Variants in DUOX2 observed in about 807,000 individuals in gnomAD.
The protein encoded by DUOX2 is dual oxidase 2, also known as NADH/NADPH thyroid oxidase p138-tox.
DUOX2 carries 185 observed loss-of-function variants against 183.3 expected under a neutral mutation model. The observed-to-expected ratio is 1.01, with a 90% CI of 0.90 to 1.14. The LOEUF is 1.14. DUOX2 is among the 50% of genes most tolerant of loss of function. The pLI is 0.00. For synonymous variants in DUOX2, 788 were observed against 812.4 expected (o/e 0.97, Z 0.51); for missense variants, 1,999 against 2,022.9 (o/e 0.99, Z 0.23).
In DUOX2 at chr15:45,108,952, TC is replaced by T; in HGVS notation, c.1235-1del. The T allele has an allele frequency of 6.2e-7, 1 of 1,614,200 alleles. No homozygotes were observed. Among genetic ancestry groups the T allele is most frequent in the Non-Finnish European group, 8.5e-7 (1 of 1,180,042 alleles). On this transcript the variant is annotated splice_acceptor_variant, in intron 11 of 33. Coordinates refer to ENST00000389039, the MANE Select transcript of DUOX2 (RefSeq NM_001363711.2). LOFTEE classifies it high-confidence loss of function. ...GAATTTGCCAGGGCCAGGCCAGTAA[TC>T]TGAAGAGGAGAGAAGACTAGACTAT...
Position 45,112,725 on chromosome 15 carries a change from A to C in DUOX2, c.161-7T>G, listed in dbSNP as rs1894475820. ...CGGCGCTGCAACCGGCAGCCTGCGG[A>C]GGCAGGGAGCGGGGCTCTGTCTAAG... On this transcript the variant is annotated splice_region_variant and splice_polypyrimidine_tract_variant and intron_variant, in intron 3 of 33. Coordinates refer to ENST00000389039, the MANE Select transcript of DUOX2 (RefSeq NM_001363711.2). 5 of 1,610,880 alleles carry C rather than the reference A, an allele frequency of 3.1e-6. No individual in the cohort carries two copies. Among genetic ancestry groups the C allele is most frequent in the Non-Finnish European group, 4.2e-6 (5 of 1,179,864 alleles).
At chr15:45,105,527 T>G in intron 18 of DUOX2, 116 bp downstream of exon 18, 1 of 1,322,312 alleles carries the variant, frequency 7.6e-7, no homozygotes, top group Non-Finnish European at 1.1e-6. Flanking sequence ...AACAAGGCTA[T>G]TTCTCTCCAG....
intron 16 of DUOX2, 47 bp from the exon 17 acceptor site, chr15:45,106,374 G>T (rs767348337): frequency 7.5e-6 from 12 of 1,608,972 alleles, no homozygotes; most frequent in Middle Eastern, 1.7e-4. Flanking sequence ...ATGTCCCCAG[G>T]TCCCCGCCTT....
chr15:45,107,846 G>C (rs1894260191), intron 13 of DUOX2, among the ~76,000 whole-genome samples: 1 of 43,218 alleles, frequency 2.3e-5, no homozygotes. Flanking sequence ...GCTAGACTCT[G>C]CCTCAAAAAA....
intron 32 of DUOX2, 77 bp downstream of exon 32, chr15:45,094,859 C>T (rs1893859444): frequency 6.2e-7 from 1 of 1,604,216 alleles, no homozygotes; most frequent in Non-Finnish European, 8.5e-7. Context: ...CGTCCACCCA[C>T]CTGCCCTGGC....
chr15:45,106,104 G>C (rs755127620), intron 17 of DUOX2, 21 bp downstream of exon 17: 19 of 1,613,670 alleles, frequency 1.2e-5, no homozygotes, highest in Non-Finnish European at 1.6e-5. Context: ...GCCCAGGCTG[G>C]GGAGGCAGGA....
At chr15:45,095,693 G>C in intron 30 of DUOX2, 98 bp from the exon 31 acceptor site, 1 of 1,585,074 alleles carries the variant, frequency 6.3e-7, no homozygotes, top group African/African-American at 1.3e-5. Flanking sequence ...GAACATCCTA[G>C]TCTTTTCTGA....
chr15:45,095,896 G>A lies in DUOX2; in HGVS notation c.4012C>T (p.Pro1338Ser). Residue 1338 changes from proline (P) to serine (S), a missense_variant, in exon 30 of 34, where the codon CCC becomes TCC. Pro to Ser is a moderately conservative substitution (Grantham distance 74, BLOSUM62 -1). Transcript: ENST00000389039. ...TLSLHIRAVGPWTTRLREIYS... is the reference protein window; with the variant it reads ...TLSLHIRAVGSWTTRLREIYS... ...ATCTCCCTGAGGCGAGTGGTCCAGG[G>A]CCCCACTGCCCGGATGTGCAGGCTG... is the stretch of plus-strand genomic sequence containing the variant. 6.2e-7 allele frequency: 1 copy of A among 1,612,572 alleles called. No homozygotes were observed. Among genetic ancestry groups the A allele is most frequent in the Non-Finnish European group, 8.5e-7 (1 of 1,179,458 alleles).
chr15:45,110,129 G>A (rs1482039611), intron 9 of DUOX2, 149 bp from the exon 10 acceptor site: 16 of 802,308 alleles, frequency 2.0e-5, no homozygotes, highest in Admixed American at 9.9e-5. Flanking sequence ...GGTGATGTGC[G>A]TTTACTGAAG....
At position 45,097,390 on chromosome 15, in the gene DUOX2, A is replaced by G; in HGVS notation, c.3695T>C (p.Leu1232Pro). 1.2e-6 allele frequency: 2 copies of G among 1,614,234 alleles called. No individual in the cohort carries two copies. Residue 1232 changes from leucine (L) to proline (P), a missense_variant and splice_region_variant, in exon 29 of 34, where the codon CTC (leucine) becomes CCC (proline). Leu to Pro is a moderately conservative substitution (Grantham distance 98, BLOSUM62 -3). This residue lies in a region of DUOX2 where 1,628 missense variants were observed against 1,608.6 expected (regional missense o/e 1.01). Coordinates refer to ENST00000389039, the MANE Select transcript of DUOX2 (RefSeq NM_001363711.2). ...HHLYILLYAL[L>P]IIHGSYALIQ... is the part of the protein sequence containing the mutation. Reference sequence around the variant, plus strand: ...CAGAGCATAGCTGCCATGGATGATGAGCTGGAGACACGGCCAGTTAGTACA... The same window carrying G: ...CAGAGCATAGCTGCCATGGATGATGGGCTGGAGACACGGCCAGTTAGTACA...
At position 45,095,904 on chromosome 15, in the gene DUOX2, G is replaced by GGT; in HGVS notation, c.4003_4004insAC (p.Ala1335AspfsTer86). 2 of 1,614,008 alleles carry GGT rather than the reference G, an allele frequency of 1.2e-6. No homozygotes were observed. The highest frequency in any genetic ancestry group is 1.7e-6 in the Non-Finnish European group (2 of 1,180,002). On this transcript the variant is annotated frameshift_variant, in exon 30 of 34. Coordinates refer to ENST00000389039, the MANE Select transcript of DUOX2 (RefSeq NM_001363711.2). LOFTEE classifies it high-confidence loss of function. Reference sequence around the variant, plus strand: ...GAGGCGAGTGGTCCAGGGCCCCACTGCCCGGATGTGCAGGCTGAGTGTGTC... The same window carrying GGT: ...GAGGCGAGTGGTCCAGGGCCCCACTGGTCCCGGATGTGCAGGCTGAGTGTGTC...
At position 45,110,087 on chromosome 15, in the gene DUOX2, C is replaced by G. The variant is rs1441694524; in HGVS notation, c.1041-107G>C. The G allele has an allele frequency of 3.0e-6, 3 of 1,012,938 alleles. No homozygotes were observed. The East Asian group carries it at 7.1e-5, about 24-fold the overall frequency. 62.7% of individuals were successfully genotyped at this position (1,012,938 alleles called of 1,614,324 possible). A position where few individuals can be genotyped will look rare whatever the true frequency, so the allele number is the denominator to read the frequency against. On this transcript the variant is annotated intron_variant, in intron 9 of 33. Coordinates refer to ENST00000389039, the MANE Select transcript of DUOX2 (RefSeq NM_001363711.2). ...GGGGTTCACTAGGATTGAGCAGTGG[C>G]CCAGGAACTTCCTTGAACACGGCAG... is the stretch of plus-strand genomic sequence containing the variant.
chr15:45,106,560 A>T lies in DUOX2; in HGVS notation c.1913T>A (p.Val638Glu), dbSNP rs1189051529. ...KKLQKKLKES[V>E]KKEAAKDGVP... ...TCCATCTTTGGCTGCTTCCTTCTTC[A>T]CGCTCTCTTTGAGTTTCTTTTGTAG... is the stretch of plus-strand genomic sequence containing the variant. Residue 638 changes from valine (V) to glutamate (E), a missense_variant, in exon 16 of 34, where the codon GTG (valine) becomes GAG (glutamate). This residue lies in a region of DUOX2 where 1,628 missense variants were observed against 1,608.6 expected (regional missense o/e 1.01). Coordinates refer to ENST00000389039, the MANE Select transcript of DUOX2 (RefSeq NM_001363711.2). The T allele has an allele frequency of 5.6e-6, 9 of 1,613,452 alleles. No homozygotes were observed. The African/African-American group carries it at 6.7e-5, about 12-fold the overall frequency.
chr15:45,098,857 C>T (rs1893975445), intron 26 of DUOX2, among the ~76,000 whole-genome samples: 1 of 151,652 alleles, frequency 6.6e-6, no homozygotes, highest in South Asian at 2.1e-4. Context: ...ATGTGTACCA[C>T]AATGCCCCGC....
intron 18 of DUOX2, among the ~76,000 whole-genome samples, chr15:45,105,204 G>A (rs1321129799): frequency 6.6e-6 from 1 of 152,226 alleles, no homozygotes; most frequent in Non-Finnish European, 1.5e-5. Flanking sequence ...TCAAACATTA[G>A]AGTGTATCTG....
rs187033571 is a variant in DUOX2, at chr15:45,111,987, C to T, written c.326-32G>A. ...GCATGGGGCGCCAATACGTGACAAA[C>T]CGTCCGTATTGCGCCCTCCCCACGG... On this transcript the variant is annotated intron_variant, in intron 4 of 33. Coordinates refer to ENST00000389039, the MANE Select transcript of DUOX2 (RefSeq NM_001363711.2). 21 of 1,610,024 alleles carry T rather than the reference C, an allele frequency of 1.3e-5. No individual in the cohort carries two copies. In the East Asian group the frequency reaches 3.4e-4, roughly 26 times the overall value.
chr15:45,108,816 A>G lies in DUOX2; in HGVS notation c.1371T>C (p.Ser457=). 6.2e-7 allele frequency: 1 copy of G among 1,614,154 alleles called. No homozygotes were observed. The highest frequency in any genetic ancestry group is 8.5e-7 in the Non-Finnish European group (1 of 1,180,022). ...GGGGGTCCACATTAGGGTTGAGATC[A>G]CTCCAGTTCCTTGGGATGTCCAGCC... ...AFGLDIPRNW[S]DLNPNVDPQV... is the part of the protein sequence containing the mutation. The change falls in exon 12 of 34, where the codon AGT becomes AGC. Residue 457 remains serine, a synonymous_variant. Transcript: ENST00000389039.
At chr15:45,106,373 G>A in intron 16 of DUOX2, 46 bp from the exon 17 acceptor site, 1 of 1,609,470 alleles carries the variant, frequency 6.2e-7, no homozygotes, top group Admixed American at 1.7e-5. Context: ...GATGTCCCCA[G>A]GTCCCCGCCT....
chr15:45,112,597 G>A lies in DUOX2; in HGVS notation c.282C>T (p.Gly94=), dbSNP rs1449693212. The A allele has an allele frequency of 6.2e-7, 1 of 1,612,982 alleles. No individual in the cohort carries two copies. The highest frequency in any genetic ancestry group is 1.3e-5 in the African/African-American group (1 of 75,032). The part of the protein sequence containing the change: ...LSNAATRGIA[G]LPSLHNRTVL... The stretch of plus-strand genomic sequence containing the variant: ...CGGTGCGGTTGTGGAGCGACGGCAG[G>A]CCGGCTATGCCCCGCGTGGCTGCGT... The change falls in exon 4 of 34, where the codon GGC becomes GGT. Residue 94 remains glycine, a synonymous_variant. Coordinates refer to ENST00000389039, the MANE Select transcript of DUOX2 (RefSeq NM_001363711.2).
Sources: allele counts gnomAD v4.1 joint callset (sites outside exome capture counted in the v4.1 genomes callset), GRCh38; gene constraint gnomAD v4.1.1; regional missense constraint gnomAD v4.1.1; transcripts MANE v1.5; gene names NCBI Gene and HGNC (gene_info 2026-07-23, HGNC 2026-07-21).